Variants in MCF2L2 observed in about 807,000 individuals in gnomAD.
The protein encoded by MCF2L2 is MCF.2 cell line derived transforming sequence-like 2, also known as probable guanine nucleotide exchange factor MCF2L2.
A neutral mutation model predicts 150.2 loss-of-function variants in MCF2L2; 102 were observed. The observed-to-expected ratio is 0.68, with a 90% confidence interval of 0.58 to 0.80. The LOEUF (loss-of-function observed/expected upper bound fraction) is 0.80, where lower values mean the gene tolerates loss of function less well. MCF2L2 is among the 30% of genes least tolerant of loss of function. The pLI is 0.00. For synonymous variants in MCF2L2, 465 were observed against 491.3 expected (o/e 0.95, Z 0.71); for missense variants, 1,256 against 1,372.8 (o/e 0.91, Z 1.34).
Position 183,231,031 on chromosome 3 carries a change from G to A in MCF2L2, c.1863-14C>T. On this transcript the variant is annotated splice_polypyrimidine_tract_variant and intron_variant, in intron 15 of 29. Coordinates refer to ENST00000328913, the MANE Select transcript of MCF2L2 (RefSeq NM_015078.4). ...CGTATAATGCGCCTGAATCACAGCA[G>A]CAGGTGGGAGGGTGAAAGAGAGAGA... The A allele has an allele frequency of 6.2e-7, 1 of 1,600,708 alleles. No homozygotes were observed. The highest frequency in any genetic ancestry group is 8.6e-7 in the Non-Finnish European group (1 of 1,168,368).
At chr3:183,302,305 T>C (rs990830535) in intron 10 of MCF2L2, among the ~76,000 whole-genome samples, 17 of 152,132 alleles carry the variant, frequency 1.1e-4, no homozygotes, top group Admixed American at 2.6e-4. Context: ...ATCCTCCTAG[T>C]GAATCTTCGA....
At chr3:183,311,115 T>A (rs530462671) in intron 8 of MCF2L2, 86 bp from the exon 9 acceptor site, 1 of 745,704 alleles carries the variant, frequency 1.3e-6, no homozygotes, top group South Asian at 1.6e-5. Flanking sequence ...AACACCTGTG[T>A]CTTCGGTCAG....
intron 1 of MCF2L2, among the ~76,000 whole-genome samples, chr3:183,407,311 T>C (rs1715094451): frequency 1.3e-5 from 2 of 148,586 alleles, no homozygotes; most frequent in South Asian, 2.1e-4. Flanking sequence ...AAATGTACTC[T>C]TTTAAAAAAA....
intron 26 of MCF2L2, among the ~76,000 whole-genome samples, chr3:183,193,449 G>C (rs1259836425): frequency 6.7e-6 from 1 of 150,114 alleles, no homozygotes; most frequent in Admixed American, 6.7e-5. Flanking sequence ...CACCTGGGTT[G>C]ACGCCATTCT....
chr3:183,272,562 TTAGA>T (rs1726869875), intron 15 of MCF2L2: 1 of 991,644 alleles, frequency 1.0e-6, no homozygotes, highest in East Asian at 1.1e-4. Context: ...TTTACATTGC[TTAGA>T]TAATTTAGAA....
At chr3:183,416,008 A>G (rs1354844282) in intron 1 of MCF2L2, among the ~76,000 whole-genome samples, 1 of 152,036 alleles carries the variant, frequency 6.6e-6, no homozygotes, top group Non-Finnish European at 1.5e-5. Flanking sequence ...TTCCTTTGAT[A>G]ATATTTTCAT....
chr3:183,246,127 A>G (rs888186301), intron 15 of MCF2L2, among the ~76,000 whole-genome samples: 2 of 152,228 alleles, frequency 1.3e-5, no homozygotes, highest in Non-Finnish European at 2.9e-5. Context: ...ATCTTAATTC[A>G]AGTTAATAAT....
intron 1 of MCF2L2, among the ~76,000 whole-genome samples, chr3:183,400,743 A>G (rs922235213): frequency 6.6e-6 from 1 of 152,172 alleles, no homozygotes; most frequent in African/African-American, 2.4e-5. Flanking sequence ...CCTAGCCTCA[A>G]TGAGAATCAG....
intron 2 of MCF2L2, among the ~76,000 whole-genome samples, chr3:183,384,407 G>A (rs982989451): frequency 1.3e-5 from 2 of 152,192 alleles, no homozygotes; most frequent in Admixed American, 6.5e-5. Context: ...TCATGCAGCT[G>A]GAGGCTGCAA....
chr3:183,202,811 A>G (rs1389777245), intron 25 of MCF2L2, among the ~76,000 whole-genome samples: 2 of 152,254 alleles, frequency 1.3e-5, no homozygotes, highest in Non-Finnish European at 2.9e-5. Context: ...GAGTTGCTAC[A>G]TTATGTTATT....
chr3:183,383,058 T>TAAA (rs1207706222), intron 2 of MCF2L2, among the ~76,000 whole-genome samples: 7 of 152,142 alleles, frequency 4.6e-5, no homozygotes, highest in South Asian at 2.1e-4. Context: ...CCTAGGATAC[T>TAAA]AAATGACCCA....
intron 3 of MCF2L2, chr3:183,373,883 A>T (rs1454505389): frequency 6.6e-6 from 1 of 152,066 alleles, no homozygotes; most frequent in African/African-American, 2.4e-5. Flanking sequence ...TACTCCACAC[A>T]CCAGACTTAG....
intron 23 of MCF2L2, 37 bp from the exon 24 acceptor site, chr3:183,206,251 C>G: frequency 2.1e-6 from 3 of 1,442,028 alleles, no homozygotes; most frequent in Non-Finnish European, 2.9e-6. Context: ...TCTATACCAT[C>G]GTTTTCTGAT....
intron 2 of MCF2L2, among the ~76,000 whole-genome samples, chr3:183,386,359 C>CA (rs1383468303): frequency 6.6e-6 from 1 of 152,218 alleles, no homozygotes; most frequent in African/African-American, 2.4e-5. Flanking sequence ...CCAGAGGCCC[C>CA]AGCCCTGGTC....
intron 10 of MCF2L2, among the ~76,000 whole-genome samples, chr3:183,307,918 C>A (rs1440844731): frequency 6.6e-6 from 1 of 152,238 alleles, no homozygotes; most frequent in Non-Finnish European, 1.5e-5. Flanking sequence ...AGGACCTTTG[C>A]ACCTGCAGCT....
chr3:183,180,033 AG>A (rs767761900), intron 28 of MCF2L2, 37 bp downstream of exon 28: 11 of 1,476,228 alleles, frequency 7.5e-6, no homozygotes, highest in South Asian at 6.8e-5. Flanking sequence ...AATAGGAAGG[AG>A]GGAAGAAGAT....
intron 23 of MCF2L2, among the ~76,000 whole-genome samples, chr3:183,206,991 A>T (rs1160905020): frequency 8.5e-6 from 1 of 117,492 alleles, no homozygotes; most frequent in Admixed American, 8.1e-5. Flanking sequence ...GGGAGGGAGG[A>T]AGGAAGGGAG....
intron 5 of MCF2L2, among the ~76,000 whole-genome samples, chr3:183,329,394 C>T (rs1288556402): frequency 1.3e-5 from 2 of 152,108 alleles, no homozygotes; most frequent in Admixed American, 1.3e-4. Context: ...ACCATGTTGG[C>T]CAGGCTGGTC....
chr3:183,354,251 C>T (rs866745690), intron 3 of MCF2L2, among the ~76,000 whole-genome samples: 2 of 152,180 alleles, frequency 1.3e-5, no homozygotes, highest in Non-Finnish European at 2.9e-5. Flanking sequence ...ATTTTTTCTG[C>T]AAAATATATT....
Sources: gnomAD v4.1 joint callset for allele counts (sites outside exome capture counted in the v4.1 genomes callset) on GRCh38, gnomAD v4.1.1 for gene constraint, MANE v1.5 for transcripts, NCBI Gene and HGNC (gene_info 2026-07-23, HGNC 2026-07-21) for gene names.